Variants in SYAP1 observed in about 807,000 individuals in gnomAD.
SYAP1 encodes the protein synapse-associated protein 1.
Under a neutral mutation model 29.6 loss-of-function variants are expected in SYAP1, and 3 were observed. The observed-to-expected ratio is 0.10, with a 90% CI of 0.05 to 0.26. The LOEUF (loss-of-function observed/expected upper bound fraction) is 0.26, where lower values mean the gene tolerates loss of function less well. Among genes scored for constraint, SYAP1 ranks in the 10% least tolerant of loss-of-function variants. The probability of loss-of-function intolerance (pLI) is 1.00; values close to 1 mark genes in which losing one functional copy is unlikely to be tolerated. For missense variants in SYAP1, 217 were observed against 264.1 expected (o/e 0.82, Z 1.24); for synonymous variants, 102 against 102.7 (o/e 0.99, Z 0.04).
chrX:16,729,039 G>A (rs6632878), intron 1 of SYAP1, among the ~76,000 whole-genome samples: 43,801 of 89,983 alleles, frequency 0.49, 8,481 homozygotes, highest in African/African-American at 0.74. Flanking sequence ...CAGCTATCTC[G>A]AAAAAAAAAA....
intron 5 of SYAP1, among the ~76,000 whole-genome samples, chrX:16,748,064 C>T (rs1278907272): frequency 9.3e-6 from 1 of 107,018 alleles, no homozygotes; most frequent in Non-Finnish European, 1.9e-5. Flanking sequence ...GCCTAGGCAA[C>T]AAGAGCGAAA....
rs775772446 is a variant in SYAP1 at position 16,745,892 on chromosome X, G to A, written c.575+2052G>A. Among the ~76,000 whole-genome samples, 4 of 110,101 alleles carry A rather than the reference G, an allele frequency of 3.6e-5. No individual in the cohort carries two copies. In the South Asian group the frequency reaches 1.2e-3, roughly 32 times the overall value. Reference sequence around the variant, plus strand: ...TAATTCCTTTTCTGTTACTTTCCTGGCATCTTCAGAGGGAGCACAGATGAA... The same window carrying A: ...TAATTCCTTTTCTGTTACTTTCCTGACATCTTCAGAGGGAGCACAGATGAA... On this transcript the variant is annotated intron_variant, in intron 5 of 8. Coordinates refer to ENST00000380155, the MANE Select transcript of SYAP1 (RefSeq NM_032796.4).
intron 5 of SYAP1, among the ~76,000 whole-genome samples, chrX:16,753,834 A>C (rs1233197568): frequency 2.7e-5 from 3 of 110,877 alleles, no homozygotes; most frequent in Non-Finnish European, 5.7e-5. Flanking sequence ...CCTGGTTTCT[A>C]CTATCTTTAA....
intron 6 of SYAP1, 95 bp downstream of exon 6, chrX:16,755,188 C>A: frequency 2.2e-6 from 2 of 911,673 alleles, no homozygotes; most frequent in Non-Finnish European, 3.1e-6. Context: ...AATGTCATTG[C>A]CTTAGGGAAA....
In SYAP1 at chrX:16,740,920, C is replaced by A. The variant is rs74702596; in HGVS notation, c.362-796C>A. On this transcript the variant is annotated intron_variant, in intron 3 of 8. Transcript: ENST00000380155. ...CCTTCTTTAATCAGGAACATTCCAA[C>A]ATCCTTTCTTTGTCTTTTATGATAT... is the stretch of plus-strand genomic sequence containing the variant. Among the ~76,000 whole-genome samples, 727 of 111,470 alleles carry A rather than the reference C, an allele frequency of 6.5e-3. 24 individuals carry two copies. The highest frequency in any genetic ancestry group is 0.052 in the East Asian group (185 of 3,534).
rs1274735000 is a variant in SYAP1 at position 16,763,402 on chromosome X, G to C, written c.*3043G>C. ...GAATCTTGCTCTGTCACCCAGGCTG[G>C]AGTGCAGTGGCTTGATCTCAGCTCA... On this transcript the variant is annotated 3_prime_UTR_variant, in exon 9 of 9. Transcript: ENST00000380155. 1 of 110,320 alleles carries C rather than the reference G, an allele frequency of 9.1e-6. No individual in the cohort carries two copies. The highest frequency in any genetic ancestry group is 1.9e-5 in the Non-Finnish European group (1 of 52,752). 9.1% of individuals were successfully genotyped at this position (110,320 alleles called of 1,213,427 possible).
In SYAP1 at chrX:16,743,839, C is replaced by T. The variant is rs761520581; in HGVS notation, c.574C>T (p.Leu192Phe). The change falls in exon 5 of 9, where the codon CTT becomes TTT. Residue 192 changes from leucine (L) to phenylalanine (F), a missense_variant and splice_region_variant. Coordinates refer to ENST00000380155, the MANE Select transcript of SYAP1 (RefSeq NM_032796.4). Reference sequence around the variant, plus strand: ...GATGAGATTTGCCCTCGTTCCTAAACTGTAAGCAGAGTGTTCTCCAGCGTT... The same window carrying T: ...GATGAGATTTGCCCTCGTTCCTAAATTGTAAGCAGAGTGTTCTCCAGCGTT... ...SKMRFALVPK[L>F]VKEEVFWRNY... 4.1e-6 allele frequency: 5 copies of T among 1,209,371 alleles called. No individual in the cohort carries two copies. The South Asian group carries it at 8.8e-5, about 21-fold the overall frequency.
intron 8 of SYAP1, among the ~76,000 whole-genome samples, chrX:16,757,645 C>T (rs1291036477): frequency 9.0e-6 from 1 of 110,768 alleles, no homozygotes; most frequent in African/African-American, 3.3e-5. Context: ...ATGGCATGAA[C>T]CTGGGAGGCG....
intron 1 of SYAP1, among the ~76,000 whole-genome samples, chrX:16,729,134 A>G (rs745701597): frequency 9.0e-6 from 1 of 111,479 alleles, no homozygotes; most frequent in East Asian, 2.8e-4. Context: ...ATTACTGATA[A>G]CGTACACTGA....
At position 16,763,602 on chromosome X, in the gene SYAP1, G is replaced by A. The variant is rs1055485430; in HGVS notation, c.*3243G>A. 1.8e-5 allele frequency: 2 copies of A among 109,929 alleles called. No individual in the cohort carries two copies. Among genetic ancestry groups the A allele is most frequent in the Admixed American group, 9.9e-5 (1 of 10,107 alleles). 9.1% of individuals were successfully genotyped at this position (109,929 alleles called of 1,213,427 possible). On this transcript the variant is annotated 3_prime_UTR_variant, in exon 9 of 9. Transcript: ENST00000380155. ...GCTCCTGATCTCAAATGATCCGCAC[G>A]CCTTGACCTCCCAAAGTGTTGGGAT... is the stretch of plus-strand genomic sequence containing the variant.
chrX:16,753,115 G>A (rs1034140277), intron 5 of SYAP1, among the ~76,000 whole-genome samples: 9 of 109,245 alleles, frequency 8.2e-5, no homozygotes, highest in Non-Finnish European at 1.7e-4. Flanking sequence ...ATGGTGGTGG[G>A]CGCCTGTGAT....
At chrX:16,747,224 T>C (rs1397916455) in intron 5 of SYAP1, among the ~76,000 whole-genome samples, 1 of 111,964 alleles carries the variant, frequency 8.9e-6, no homozygotes, top group Non-Finnish European at 1.9e-5. Flanking sequence ...GCTGAGGTTA[T>C]AGACGAGAGC....
chrX:16,763,056 G>A lies in SYAP1; in HGVS notation c.*2697G>A, dbSNP rs1214491428. The A allele has an allele frequency of 1.8e-5, 2 of 110,973 alleles. No individual in the cohort carries two copies. Among genetic ancestry groups the A allele is most frequent in the Non-Finnish European group, 3.8e-5 (2 of 53,152 alleles). 9.1% of individuals were successfully genotyped at this position (110,973 alleles called of 1,213,427 possible). A position where few individuals can be genotyped will look rare whatever the true frequency, so the allele number is the denominator to read the frequency against. ...TAATCCCAGCACTTTGGGAGGCTGA[G>A]GCAGGCAGATTGCTTGAGCTCAGGA... On this transcript the variant is annotated 3_prime_UTR_variant, in exon 9 of 9. Coordinates refer to ENST00000380155, the MANE Select transcript of SYAP1 (RefSeq NM_032796.4).
At chrX:16,742,372 G>A (rs181453914) in intron 4 of SYAP1, among the ~76,000 whole-genome samples, 60 of 108,971 alleles carry the variant, frequency 5.5e-4, no homozygotes, top group African/African-American at 2.0e-3. Flanking sequence ...GACTGGTCTC[G>A]AACTCCTGAT....
intron 3 of SYAP1, among the ~76,000 whole-genome samples, chrX:16,740,287 C>T (rs904542184): frequency 6.4e-5 from 7 of 109,205 alleles, no homozygotes; most frequent in Non-Finnish European, 1.1e-4. Flanking sequence ...CTTCTAACGG[C>T]TTATTGAGGA....
chrX:16,749,651 C>T (rs1926685478), intron 5 of SYAP1, among the ~76,000 whole-genome samples: 1 of 111,044 alleles, frequency 9.0e-6, no homozygotes, highest in Non-Finnish European at 1.9e-5. Context: ...CGCGGTGGCT[C>T]ACACCTGTAA....
intron 1 of SYAP1, among the ~76,000 whole-genome samples, chrX:16,730,303 A>T (rs1379703106): frequency 8.9e-6 from 1 of 112,769 alleles, no homozygotes; most frequent in Non-Finnish European, 1.9e-5. Flanking sequence ...GCAGTGAGCC[A>T]AGATCGCACC....
intron 6 of SYAP1, among the ~76,000 whole-genome samples, chrX:16,756,160 A>G (rs909618958): frequency 5.4e-5 from 6 of 111,937 alleles, no homozygotes; most frequent in African/African-American, 2.0e-4. Flanking sequence ...ACAGTATTCC[A>G]TAAAGACTGC....
chrX:16,727,664 AAGCCC>A (rs1926111605), intron 1 of SYAP1, among the ~76,000 whole-genome samples: 1 of 110,753 alleles, frequency 9.0e-6, no homozygotes, highest in African/African-American at 3.3e-5. Context: ...TTTTAAAGCC[AAGCCC>A]AGCCATGGAT....
Sources: allele counts gnomAD v4.1 joint callset (sites outside exome capture counted in the v4.1 genomes callset), GRCh38; gene constraint gnomAD v4.1.1; transcripts MANE v1.5; gene names NCBI Gene and HGNC (gene_info 2026-07-23, HGNC 2026-07-21).